Variants in GRM7 observed in about 807,000 individuals in gnomAD.
GRM7 encodes glutamate metabotropic receptor 7.
A neutral mutation model predicts 84.5 loss-of-function variants in GRM7; 35 were observed. The ratio of observed to expected loss-of-function variants is 0.41; its 90% CI spans 0.32 to 0.55. The LOEUF is 0.55. Among genes scored for constraint, GRM7 ranks in the 20% least tolerant of loss-of-function variants. The probability of loss-of-function intolerance (pLI) is 0.19; values close to 1 mark genes in which losing one functional copy is unlikely to be tolerated. For missense variants in GRM7, 1,003 were observed against 1,194.6 expected, an observed-to-expected ratio of 0.84 and a Z score of 2.36; for synonymous variants, 487 against 455.1, an observed-to-expected ratio of 1.07 and a Z score of -0.89.
chr3:7,344,812 CA>C (rs1692816055), intron 4 of GRM7, among the ~76,000 whole-genome samples: 1 of 152,030 alleles, frequency 6.6e-6, no homozygotes, highest in Non-Finnish European at 1.5e-5. Context: ...TTAATGGAAG[CA>C]AAATTATAGC....
chr3:7,598,341 G>A (rs890873416), intron 8 of GRM7, among the ~76,000 whole-genome samples: 4 of 152,174 alleles, frequency 2.6e-5, no homozygotes, highest in African/African-American at 9.6e-5. Context: ...GGGGGAGGTT[G>A]AGGAGCACAT....
chr3:7,429,068 G>A (rs1427778043), intron 5 of GRM7, among the ~76,000 whole-genome samples: 1 of 152,154 alleles, frequency 6.6e-6, no homozygotes, highest in East Asian at 1.9e-4. Context: ...TGGAAACTAA[G>A]TTGCCTTAAA....
intron 4 of GRM7, among the ~76,000 whole-genome samples, chr3:7,330,293 G>C (rs17698229): frequency 0.47 from 71,743 of 151,834 alleles, 17,114 homozygotes; most frequent in Middle Eastern, 0.52. Context: ...GGAAAAGTCT[G>C]TCACAAAACC....
intron 7 of GRM7, among the ~76,000 whole-genome samples, chr3:7,489,108 C>T (rs1246755784): frequency 6.6e-6 from 1 of 152,092 alleles, no homozygotes; most frequent in Admixed American, 6.6e-5. Flanking sequence ...CATCTACCCT[C>T]CTCAGAGTAT....
intron 2 of GRM7, among the ~76,000 whole-genome samples, chr3:7,196,990 G>T (rs1013339173): frequency 6.6e-6 from 1 of 152,066 alleles, no homozygotes; most frequent in African/African-American, 2.4e-5. Flanking sequence ...TTAATAGATG[G>T]TTTTCTACCA....
At chr3:6,920,232 A>T (rs1179349813) in intron 1 of GRM7, among the ~76,000 whole-genome samples, 1 of 152,164 alleles carries the variant, frequency 6.6e-6, no homozygotes, top group East Asian at 1.9e-4. Flanking sequence ...GCAATAATAA[A>T]TTTTTATCAA....
chr3:6,902,936 T>G (rs1190696995), intron 1 of GRM7, among the ~76,000 whole-genome samples: 1 of 151,922 alleles, frequency 6.6e-6, no homozygotes, highest in Non-Finnish European at 1.5e-5. Context: ...ATGTTTTGGA[T>G]ACAGATGGAC....
At chr3:7,289,468 G>A (rs1230514808) in intron 2 of GRM7, among the ~76,000 whole-genome samples, 2 of 152,102 alleles carry the variant, frequency 1.3e-5, no homozygotes, top group Admixed American at 6.5e-5. Context: ...CAGGAATCTA[G>A]AACTAGAAAT....
Position 7,519,490 on chromosome 3 carries a change from A to G in GRM7, c.1515+57768A>G, listed in dbSNP as rs59401612. On this transcript the variant is annotated intron_variant, in intron 7 of 9. Coordinates refer to ENST00000357716, the MANE Select transcript of GRM7 (RefSeq NM_000844.4). Reference sequence around the variant, plus strand: ...ACATGGGACTTCTCAGTTAACCTTAATATTCAATTCAGATAATACCATTCA... The same window carrying G: ...ACATGGGACTTCTCAGTTAACCTTAGTATTCAATTCAGATAATACCATTCA... Among the ~76,000 whole-genome samples the G allele has an allele frequency of 5.8e-3, 886 of 152,300 alleles. 2 individuals are homozygous for G. The highest frequency in any genetic ancestry group is 0.02 in the African/African-American group (835 of 41,562).
intron 2 of GRM7, among the ~76,000 whole-genome samples, chr3:7,152,030 A>G (rs1037201509): frequency 7.2e-5 from 11 of 152,182 alleles, no homozygotes; most frequent in Non-Finnish European, 1.6e-4. Flanking sequence ...AAATATAGAT[A>G]CTAAACATTT....
At chr3:7,247,817 C>T (rs1482492364) in intron 2 of GRM7, among the ~76,000 whole-genome samples, 1 of 151,920 alleles carries the variant, frequency 6.6e-6, no homozygotes, top group Non-Finnish European at 1.5e-5. Flanking sequence ...ACCTTGTGAA[C>T]ACTTCACAAC....
At chr3:7,166,522 C>T (rs1486844048) in intron 2 of GRM7, among the ~76,000 whole-genome samples, 2 of 152,176 alleles carry the variant, frequency 1.3e-5, no homozygotes, top group Non-Finnish European at 2.9e-5. Context: ...TGTCTCCACC[C>T]CAACTGGGAG....
intron 8 of GRM7, among the ~76,000 whole-genome samples, chr3:7,590,166 A>AC (rs1485342256): frequency 6.6e-6 from 1 of 151,992 alleles, no homozygotes; most frequent in African/African-American, 2.4e-5. Flanking sequence ...ATGACCTGTG[A>AC]CCCCCAACCA....
intron 1 of GRM7, among the ~76,000 whole-genome samples, chr3:6,907,071 T>G (rs1490867641): frequency 6.6e-6 from 1 of 152,282 alleles, no homozygotes; most frequent in East Asian, 1.9e-4. Context: ...TTGAGATGTA[T>G]TCTTTTATTA....
chr3:7,409,921 T>C (rs73015505), intron 4 of GRM7, among the ~76,000 whole-genome samples: 17,849 of 152,126 alleles, frequency 0.12, 1,303 homozygotes, highest in South Asian at 0.27. Context: ...TTTTAGTTGC[T>C]TTTTCAAGGA....
intron 9 of GRM7, among the ~76,000 whole-genome samples, chr3:7,712,056 T>G (rs764112764): frequency 6.6e-6 from 1 of 152,228 alleles, no homozygotes; most frequent in Admixed American, 6.5e-5. Flanking sequence ...CTTTGACTTA[T>G]GAGCACTCCA....
At chr3:7,673,218 A>G (rs1699992740) in intron 8 of GRM7, among the ~76,000 whole-genome samples, 1 of 152,162 alleles carries the variant, frequency 6.6e-6, no homozygotes, top group African/African-American at 2.4e-5. Context: ...AAGCACACAA[A>G]TAGAAAAAAT....
chr3:7,302,944 T>A (rs1487003097), intron 3 of GRM7, among the ~76,000 whole-genome samples: 1 of 146,700 alleles, frequency 6.8e-6, no homozygotes, highest in Non-Finnish European at 1.5e-5. Context: ...TTTTTTTTTT[T>A]TTTTTTTTTT....
In GRM7 at chr3:7,486,562, G is replaced by A. The variant is rs1030392484; in HGVS notation, c.1515+24840G>A. The stretch of plus-strand genomic sequence containing the variant: ...TGCCAGAAAAGTGGGGTGCTATACA[G>A]CAAGTCTGCCTCACAAGTTTGTTCT... On this transcript the variant is annotated intron_variant, in intron 7 of 9. Coordinates refer to ENST00000357716, the MANE Select transcript of GRM7 (RefSeq NM_000844.4). This position sits in a 1 kb window ranked among gnomAD's most constrained non-coding sequence, Gnocchi z 5.5. Among the ~76,000 whole-genome samples the A allele has an allele frequency of 7.2e-5, 11 of 152,104 alleles. No individual in the cohort carries two copies. The highest frequency in any genetic ancestry group is 2.7e-4 in the African/African-American group (11 of 41,408).
Sources: gnomAD v4.1 joint callset for allele counts (sites outside exome capture counted in the v4.1 genomes callset) on GRCh38, gnomAD v4.1.1 for gene constraint, Gnocchi (gnomAD v3.1) non-coding constraint, MANE v1.5 for transcripts, NCBI Gene and HGNC (gene_info 2026-07-23, HGNC 2026-07-21) for gene names.